DIAPH2: variants seen among roughly 807,000 people sequenced by gnomAD.
The protein encoded by DIAPH2 is diaphanous related formin 2.
A neutral mutation model predicts 92.7 loss-of-function variants in DIAPH2; 35 were observed. The ratio of observed to expected loss-of-function variants is 0.38; its 90% confidence interval spans 0.29 to 0.50. DIAPH2 has a LOEUF of 0.50. Ranked by LOEUF, DIAPH2 falls within the 20% of genes least tolerant of loss-of-function variation. The probability of loss-of-function intolerance (pLI) is 0.94; values close to 1 mark genes in which losing one functional copy is unlikely to be tolerated. For missense variants in DIAPH2, 701 were observed against 819.5 expected, an observed-to-expected ratio of 0.86 and a Z score of 1.77; for synonymous variants, 301 against 280.4, an observed-to-expected ratio of 1.07 and a Z score of -0.73.
chrX:97,257,451 T>A (rs1242319507), intron 23 of DIAPH2, among the ~76,000 whole-genome samples: 1 of 111,568 alleles, frequency 9.0e-6, no homozygotes, highest in African/African-American at 3.3e-5. Flanking sequence ...GAGGTAACGG[T>A]AACAAACCCT....
intron 17 of DIAPH2, among the ~76,000 whole-genome samples, chrX:97,037,717 A>G (rs1325624735): frequency 3.6e-5 from 4 of 111,235 alleles, no homozygotes; most frequent in African/African-American, 6.5e-5. Context: ...TAAGTACTTT[A>G]TTCTGGTATG....
chrX:97,178,045 CA>C (rs1359435930), intron 22 of DIAPH2, among the ~76,000 whole-genome samples: 3 of 110,606 alleles, frequency 2.7e-5, no homozygotes, highest in African/African-American at 9.9e-5. Flanking sequence ...AGTGTTTCTA[CA>C]AAAATACAAA....
chrX:97,153,004 A>T, intron 22 of DIAPH2, among the ~76,000 whole-genome samples: 1 of 111,880 alleles, frequency 8.9e-6, no homozygotes, highest in Non-Finnish European at 1.9e-5. Context: ...CACACATTTG[A>T]GTTCCAGCTT....
At chrX:96,875,944 C>G (rs745592440) in intron 4 of DIAPH2, among the ~76,000 whole-genome samples, 1 of 110,189 alleles carries the variant, frequency 9.1e-6, no homozygotes, top group Non-Finnish European at 1.9e-5. Flanking sequence ...GCTTCTGCAC[C>G]GCAAAAGAAA....
chrX:96,908,278 G>A (rs2065446127), intron 5 of DIAPH2, among the ~76,000 whole-genome samples: 1 of 111,582 alleles, frequency 9.0e-6, no homozygotes, highest in African/African-American at 3.3e-5. Flanking sequence ...AATAACTCAT[G>A]TTTGGGTTGG....
At chrX:97,210,685 T>C (rs1186187124) in intron 22 of DIAPH2, among the ~76,000 whole-genome samples, 1 of 111,812 alleles carries the variant, frequency 8.9e-6, no homozygotes, top group Non-Finnish European at 1.9e-5. Flanking sequence ...CGGGAGCTAC[T>C]GAGGTTCAAC....
chrX:96,827,308 A>T (rs184354900), intron 4 of DIAPH2, among the ~76,000 whole-genome samples: 1 of 112,329 alleles, frequency 8.9e-6, no homozygotes, highest in Non-Finnish European at 1.9e-5. Context: ...ATTGCAAAAC[A>T]CGGGGAAGAT....
chrX:96,982,558 A>G (rs55768063), intron 17 of DIAPH2, among the ~76,000 whole-genome samples: 385 of 112,315 alleles, frequency 3.4e-3, no homozygotes, highest in Non-Finnish European at 4.8e-3. Context: ...TTCTTTGAAA[A>G]GAGAAGCTGG....
intron 26 of DIAPH2, among the ~76,000 whole-genome samples, chrX:97,571,439 A>ATTTG (rs2071369257): frequency 9.0e-6 from 1 of 111,652 alleles, no homozygotes; most frequent in African/African-American, 3.2e-5. Context: ...TAATAAGAAA[A>ATTTG]TTTGTTTTGA....
intron 1 of DIAPH2, among the ~76,000 whole-genome samples, chrX:96,714,752 G>T (rs1334695734): frequency 1.8e-5 from 2 of 111,986 alleles, no homozygotes; most frequent in Admixed American, 1.9e-4. Context: ...TCAATAAATT[G>T]TATCAATGTT....
At chrX:96,916,948 T>G (rs1276631959) in intron 8 of DIAPH2, among the ~76,000 whole-genome samples, 1 of 111,722 alleles carries the variant, frequency 9.0e-6, no homozygotes, top group Non-Finnish European at 1.9e-5. Flanking sequence ...AATAGATGCC[T>G]TTATTTTACA....
chrX:97,487,834 T>C (rs192406296), intron 26 of DIAPH2, among the ~76,000 whole-genome samples: 139 of 111,713 alleles, frequency 1.2e-3, no homozygotes, highest in Non-Finnish European at 1.9e-3. Flanking sequence ...TGACATCTCA[T>C]TGTAGTTTTT....
At chrX:97,495,157 A>C (rs1452502956) in intron 26 of DIAPH2, among the ~76,000 whole-genome samples, 1 of 111,943 alleles carries the variant, frequency 8.9e-6, no homozygotes, top group African/African-American at 3.2e-5. Context: ...GAAGGGGCTA[A>C]TACTAGTAAA....
At chrX:97,283,710 A>AG (rs2147603163) in intron 23 of DIAPH2, among the ~76,000 whole-genome samples, 1 of 112,761 alleles carries the variant, frequency 8.9e-6, no homozygotes, top group East Asian at 2.8e-4. Context: ...TGGGAGGCCA[A>AG]GGCGGGCGGA....
chrX:96,946,661 T>C (rs2065739935), intron 14 of DIAPH2, among the ~76,000 whole-genome samples: 1 of 111,882 alleles, frequency 8.9e-6, no homozygotes, highest in African/African-American at 3.2e-5. Context: ...CCTTCATATT[T>C]CTAATGTTCT....
intron 17 of DIAPH2, among the ~76,000 whole-genome samples, chrX:97,002,919 A>T (rs1423933586): frequency 9.0e-6 from 1 of 111,526 alleles, no homozygotes; most frequent in Admixed American, 9.5e-5. Context: ...TTTTGTACCC[A>T]TTAACTATGC....
chrX:97,256,202 G>T (rs768130235), intron 23 of DIAPH2, among the ~76,000 whole-genome samples: 3 of 112,451 alleles, frequency 2.7e-5, no homozygotes, highest in African/African-American at 3.2e-5. Flanking sequence ...AAGCTTGAAA[G>T]AATAAATTAC....
chrX:97,069,114 C>G (rs921422358), intron 17 of DIAPH2, among the ~76,000 whole-genome samples: 4 of 110,604 alleles, frequency 3.6e-5, no homozygotes, highest in African/African-American at 6.6e-5. Flanking sequence ...AGGCGCCCAC[C>G]ACCACGCCCG....
intron 4 of DIAPH2, among the ~76,000 whole-genome samples, chrX:96,764,319 G>A (rs1032664365): frequency 1.8e-5 from 2 of 110,836 alleles, no homozygotes; most frequent in Non-Finnish European, 1.9e-5. Flanking sequence ...AGGAGAGACT[G>A]TGGAGAAGCT....
Sources: allele counts gnomAD v4.1 joint callset (sites outside exome capture counted in the v4.1 genomes callset), GRCh38; gene constraint gnomAD v4.1.1; transcripts MANE v1.5; gene names NCBI Gene and HGNC (gene_info 2026-07-23, HGNC 2026-07-21).